Variants in MYO7A observed in about 807,000 individuals in gnomAD.
MYO7A encodes myosin VIIA.
Under a neutral mutation model 263.8 loss-of-function variants are expected in MYO7A, and 210 were observed. That is an observed-to-expected ratio of 0.80 (90% CI 0.71 to 0.89). The LOEUF (loss-of-function observed/expected upper bound fraction) is 0.89. Ranked by LOEUF, MYO7A falls within the 40% of genes least tolerant of loss-of-function variation. The pLI, the probability that MYO7A is intolerant of heterozygous loss-of-function variation, is 0.00. For synonymous variants in MYO7A, 1,239 were observed against 1,197.3 expected, an observed-to-expected ratio of 1.03 and a Z score of -0.72; for missense variants, 2,820 against 2,968.3, an observed-to-expected ratio of 0.95 and a Z score of 1.16.
chr11:77,183,253 A>G, intron 26 of MYO7A, 96 bp downstream of exon 26: 1 of 1,042,940 alleles, frequency 9.6e-7, no homozygotes, highest in Non-Finnish European at 1.5e-6. Flanking sequence ...CGGAAGCAGG[A>G]GCAGGAGTGG....
rs1555045794 is a variant in MYO7A, at chr11:77,130,632, A to T, written c.-3A>T. On this transcript the variant is annotated 5_prime_UTR_variant, in exon 2 of 49. Transcript: ENST00000409709. Reference sequence around the variant, plus strand: ...GGGCAGCAGGAGCTCCTGACTTGGGACCATGGTGATTCTTCAGCAGGTCAG... The same window carrying T: ...GGGCAGCAGGAGCTCCTGACTTGGGTCCATGGTGATTCTTCAGCAGGTCAG... 1 of 1,613,090 alleles carries T rather than the reference A, an allele frequency of 6.2e-7. No individual in the cohort carries two copies.
chr11:77,157,673 G>A (rs1444839390), intron 8 of MYO7A, among the ~76,000 whole-genome samples: 1 of 151,958 alleles, frequency 6.6e-6, no homozygotes, highest in East Asian at 1.9e-4. Flanking sequence ...CTGGGCTGGG[G>A]TGGGCCAGGC....
chr11:77,172,816 G>A lies in MYO7A; in HGVS notation c.1866G>A (p.Met622Ile). 6.4e-7 allele frequency: 1 copy of A among 1,553,802 alleles called. No individual in the cohort carries two copies. The highest frequency in any genetic ancestry group is 2.4e-5 in the East Asian group (1 of 41,044). Reference sequence around the variant, plus strand: ...TCAAGCGGTCACTGGAGCTGCTGATGCGCACGCTGGGTGCCTGCCAGCCCT... The same window carrying A: ...TCAAGCGGTCACTGGAGCTGCTGATACGCACGCTGGGTGCCTGCCAGCCCT... ...SQFKRSLELLMRTLGACQPFF... is the reference protein window; with the variant it reads ...SQFKRSLELLIRTLGACQPFF... Residue 622 changes from methionine to isoleucine, a missense_variant, in exon 16 of 49, where the codon ATG becomes ATA. By Grantham distance (10) the Met-to-Ile change is conservative (BLOSUM62 1). Transcript: ENST00000409709.
At chr11:77,211,500 T>G (rs566134512) in intron 45 of MYO7A, among the ~76,000 whole-genome samples, 163 bp downstream of exon 45, 2 of 152,312 alleles carry the variant, frequency 1.3e-5, no homozygotes, top group African/African-American at 4.8e-5. Context: ...TGCCTTATCC[T>G]TCAGTCCTCC....
At chr11:77,144,199 G>A (rs933574133) in intron 3 of MYO7A, among the ~76,000 whole-genome samples, 5 of 152,230 alleles carry the variant, frequency 3.3e-5, no homozygotes, top group South Asian at 2.1e-4. Flanking sequence ...CCCTTGGGCC[G>A]TAGAACCCAA....
intron 4 of MYO7A, among the ~76,000 whole-genome samples, chr11:77,153,442 C>T (rs571176556): frequency 6.6e-6 from 1 of 152,200 alleles, no homozygotes; most frequent in East Asian, 1.9e-4. Context: ...GCAGGAGGAC[C>T]CTCTGGGCTG....
chr11:77,142,406 A>G, intron 2 of MYO7A: 1 of 449,120 alleles, frequency 2.2e-6, no homozygotes, highest in Non-Finnish European at 4.4e-6. Context: ...ATACACATGT[A>G]GGGTGTAGAT....
rs1420714163 is a variant in MYO7A, at chr11:77,198,568, G to A, written c.4515G>A (p.Glu1505=). The change falls in exon 34 of 49, where the codon GAG becomes GAA. Residue 1505 remains glutamate, a synonymous_variant. Coordinates refer to ENST00000409709, the MANE Select transcript of MYO7A (RefSeq NM_000260.4). ...GTGTGTACTTTGTGGATGAGCAGGAGCAGGTACTTCTGGAGCTGTCCTTCC... is the reference window on the plus strand; with the variant it reads ...GTGTGTACTTTGTGGATGAGCAGGAACAGGTACTTCTGGAGCTGTCCTTCC... ...WTGVYFVDEQ[E]QVLLELSFPE... 6.8e-6 allele frequency: 11 copies of A among 1,613,868 alleles called. No homozygotes were observed. The highest frequency in any genetic ancestry group is 8.5e-6 in the Non-Finnish European group (10 of 1,179,906).
chr11:77,155,195 C>A (rs1371420011), intron 4 of MYO7A, among the ~76,000 whole-genome samples: 4 of 152,184 alleles, frequency 2.6e-5, no homozygotes, highest in Admixed American at 2.0e-4. Flanking sequence ...ACCTCAAGGC[C>A]ACAACAGGAA....
chr11:77,183,053 C>T lies in MYO7A; in HGVS notation c.3286-15C>T. ...CTGCTCAGCCACTTGACCCTGATCC[C>T]TGCTGGTCCTGCAGGCCCAGCTCCC... On this transcript the variant is annotated splice_polypyrimidine_tract_variant and intron_variant, in intron 25 of 48. Transcript: ENST00000409709. 5.8e-6 allele frequency: 9 copies of T among 1,549,840 alleles called. No individual in the cohort carries two copies. The highest frequency in any genetic ancestry group is 5.2e-6 in the Non-Finnish European group (6 of 1,146,016).
intron 42 of MYO7A, among the ~76,000 whole-genome samples, chr11:77,207,775 C>G (rs906209213): frequency 2.0e-5 from 3 of 152,210 alleles, no homozygotes; most frequent in Admixed American, 2.0e-4. Flanking sequence ...CTTGATAGAT[C>G]ACATAACTAG....
Position 77,181,995 on chromosome 11 carries a change from T to A in MYO7A, c.2949T>A (p.Asp983Glu). The change falls in exon 24 of 49, where the codon GAT (aspartate) becomes GAA (glutamate). Residue 983 changes from aspartate to glutamate, a missense_variant. Physicochemically the swap from Asp to Glu is conservative, Grantham distance 45. Coordinates refer to ENST00000409709, the MANE Select transcript of MYO7A (RefSeq NM_000260.4). ...GRREMVEEDL[D>E]AALPLPDEDE... Reference sequence around the variant, plus strand: ...GGGAGATGGTGGAGGAGGACCTGGATGCAGCCCTGCCCCTGCCTGACGAGG... The same window carrying A: ...GGGAGATGGTGGAGGAGGACCTGGAAGCAGCCCTGCCCCTGCCTGACGAGG... 6.2e-7 allele frequency: 1 copy of A among 1,613,260 alleles called. No homozygotes were observed. The highest frequency in any genetic ancestry group is 1.7e-5 in the Admixed American group (1 of 59,982).
chr11:77,209,714 C>G (rs1244796652), intron 44 of MYO7A, among the ~76,000 whole-genome samples: 2 of 152,240 alleles, frequency 1.3e-5, no homozygotes, highest in Non-Finnish European at 2.9e-5. Flanking sequence ...CTGGGTCAGT[C>G]TACCATCATC....
intron 30 of MYO7A, 31 bp from the exon 31 acceptor site, chr11:77,192,020 G>A: frequency 6.3e-7 from 1 of 1,589,532 alleles, no homozygotes; most frequent in Non-Finnish European, 8.6e-7. Flanking sequence ...CCCTGACTCT[G>A]TGCCTGCTCC....
rs116397349 is a variant in MYO7A at position 77,189,292 on chromosome 11, G to A, written c.3504-52G>A. On this transcript the variant is annotated intron_variant, in intron 27 of 48. Transcript: ENST00000409709. ...TGGCTGCTAGGAGGAGGTGGGGACC[G>A]GGGCTGTTCCTGTGGGGTGATTCCC... 1.3e-3 allele frequency: 2,102 copies of A among 1,606,252 alleles called. 33 individuals carry two copies. In the African/African-American group the frequency reaches 0.026, roughly 20 times the overall value.
In MYO7A at chr11:77,213,028, A is replaced by C; in HGVS notation, c.6431A>C (p.Lys2144Thr). 6.3e-7 allele frequency: 1 copy of C among 1,575,272 alleles called. No homozygotes were observed. Among genetic ancestry groups the C allele is most frequent in the East Asian group, 2.3e-5 (1 of 43,068 alleles). The change falls in exon 47 of 49, where the codon AAA becomes ACA. Residue 2144 changes from lysine to threonine, a missense_variant. Lys to Thr is a moderately conservative substitution (Grantham distance 78). Transcript: ENST00000409709. Reference sequence around the variant, plus strand: ...TATGGGGTCAGCCTCATCGATCCCAAAACGAAGGTGAGCAGGGATAAGGCA... The same window carrying C: ...TATGGGGTCAGCCTCATCGATCCCACAACGAAGGTGAGCAGGGATAAGGCA... ...NKYGVSLIDP[K>T]TKDILTTHPF... is the part of the protein sequence containing the mutation.
intron 1 of MYO7A, among the ~76,000 whole-genome samples, chr11:77,129,582 C>T (rs1555045461): frequency 1.3e-5 from 2 of 152,200 alleles, no homozygotes; most frequent in African/African-American, 4.8e-5. Flanking sequence ...CTCAGACCCT[C>T]TCCCATTGGC....
intron 38 of MYO7A, 70 bp downstream of exon 38, chr11:77,203,287 T>TC (rs1957201551): frequency 1.3e-6 from 2 of 1,500,562 alleles, no homozygotes; most frequent in Admixed American, 2.0e-5. Context: ...CACACTGCCT[T>TC]CCTCCTGAGG....
Position 77,213,848 on chromosome 11 carries a change from C to G in MYO7A, c.6439-12C>G, listed in dbSNP as rs999887957. 1.2e-6 allele frequency: 2 copies of G among 1,613,898 alleles called. No homozygotes were observed. Among genetic ancestry groups the G allele is most frequent in the African/African-American group, 2.7e-5 (2 of 74,950 alleles). ...CAGGCCGTGCCTCTCTATGCCCTTT[C>G]TGCTCCCCCAGGATATCCTCACCAC... On this transcript the variant is annotated splice_polypyrimidine_tract_variant and intron_variant, in intron 47 of 48. Transcript: ENST00000409709.
Sources: gnomAD v4.1 joint callset for allele counts (sites outside exome capture counted in the v4.1 genomes callset) on GRCh38, gnomAD v4.1.1 for gene constraint, MANE v1.5 for transcripts, NCBI Gene and HGNC (gene_info 2026-07-23, HGNC 2026-07-21) for gene names.